Variants in MSRB2 observed in about 807,000 individuals in gnomAD.
The protein encoded by MSRB2 is methionine sulfoxide reductase B2, also known as methionine-R-sulfoxide reductase B2, mitochondrial.
A neutral mutation model predicts 19.0 loss-of-function variants in MSRB2; 17 were observed. The observed-to-expected ratio is 0.89, with a 90% CI of 0.61 to 1.34. The LOEUF is 1.34. Ranked by LOEUF, MSRB2 falls within the 40% of genes most tolerant of loss-of-function variation. The probability of loss-of-function intolerance (pLI) is 0.00; values close to 1 mark genes in which losing one functional copy is unlikely to be tolerated. For synonymous variants in MSRB2, 107 were observed against 99.7 expected (o/e 1.07, Z -0.44); for missense variants, 208 against 237.6 (o/e 0.88, Z 0.82).
intron 2 of MSRB2, among the ~76,000 whole-genome samples, chr10:23,109,402 G>T (rs568057010): frequency 2.6e-5 from 4 of 152,204 alleles, no homozygotes; most frequent in Admixed American, 2.6e-4. Context: ...AATTAGCCAG[G>T]CGTGGTGGCG....
At chr10:23,098,170 T>A (rs961035912) in intron 1 of MSRB2, among the ~76,000 whole-genome samples, 12 of 152,222 alleles carry the variant, frequency 7.9e-5, no homozygotes, top group African/African-American at 2.9e-4. Flanking sequence ...CAGAATGGGC[T>A]GGGGATTCTT....
chr10:23,117,549 A>C (rs1435134776), intron 3 of MSRB2, among the ~76,000 whole-genome samples: 5 of 152,320 alleles, frequency 3.3e-5, no homozygotes, highest in Non-Finnish European at 5.9e-5. Flanking sequence ...ACATATAATA[A>C]ATTTATTTCA....
intron 3 of MSRB2, among the ~76,000 whole-genome samples, chr10:23,115,950 A>G (rs1352356610): frequency 6.6e-6 from 1 of 152,162 alleles, no homozygotes; most frequent in African/African-American, 2.4e-5. Context: ...ACTGGGATTA[A>G]AAGATACTTA....
At chr10:23,098,231 A>G (rs1291853278) in intron 1 of MSRB2, among the ~76,000 whole-genome samples, 2 of 152,168 alleles carry the variant, frequency 1.3e-5, no homozygotes, top group Non-Finnish European at 2.9e-5. Context: ...TTATTTATCA[A>G]AATGGAGTGG....
In MSRB2 at chr10:23,119,125, G is replaced by A. The variant is rs752314635; in HGVS notation, c.297-179G>A. 1.6e-4 allele frequency: 117 copies of A among 745,944 alleles called. No individual in the cohort carries two copies. The Middle Eastern group carries it at 1.6e-3, about 10-fold the overall frequency. The allele number at this position is 745,944 out of a possible 1,614,324, so 46.2% of individuals were successfully genotyped here. On this transcript the variant is annotated intron_variant, in intron 3 of 4. Coordinates refer to ENST00000376510, the MANE Select transcript of MSRB2 (RefSeq NM_012228.4). ...TTCCACTTCGAGAGGCAATGGCTTC[G>A]ATAGTGAAGGTGCAGTGAGGACGAT...
chr10:23,120,812 A>T lies in MSRB2; in HGVS notation c.499A>T (p.Arg167Trp). ...TGATGGACCTGGGCCCAATGGTCAG[A>T]GGTTTTGCATCAACAGTGTGGCTTT... ...FPDGPGPNGQ[R>W]FCINSVALKF... The change falls in exon 5 of 5, where the codon AGG (arginine) becomes TGG (tryptophan). Residue 167 changes from arginine to tryptophan, a missense_variant. Physicochemically the swap from Arg to Trp is moderately radical, Grantham distance 101 (BLOSUM62 -3). Transcript: ENST00000376510. 6.2e-7 allele frequency: 1 copy of T among 1,614,192 alleles called. No individual in the cohort carries two copies. The highest frequency in any genetic ancestry group is 8.5e-7 in the Non-Finnish European group (1 of 1,180,034).
intron 3 of MSRB2, among the ~76,000 whole-genome samples, chr10:23,117,280 C>CA (rs1428577991): frequency 2.0e-5 from 3 of 152,196 alleles, no homozygotes; most frequent in African/African-American, 7.2e-5. Flanking sequence ...CTGAGGACCC[C>CA]AGAGATTCCT....
chr10:23,108,762 C>T (rs993141453), intron 2 of MSRB2, among the ~76,000 whole-genome samples: 1 of 152,118 alleles, frequency 6.6e-6, no homozygotes, highest in Non-Finnish European at 1.5e-5. Flanking sequence ...AGGCATGAGC[C>T]ACCACACCTG....
chr10:23,107,756 A>G lies in MSRB2; in HGVS notation c.220-2486A>G, dbSNP rs192716877. On this transcript the variant is annotated intron_variant, in intron 2 of 4. Coordinates refer to ENST00000376510, the MANE Select transcript of MSRB2 (RefSeq NM_012228.4). ...AACTGTTTTGCTGCCCACCTCTGCA[A>G]CACTAGCACCCAGCTCAGCCTGGGT... 7.2e-5 allele frequency among the ~76,000 whole-genome samples: 11 copies of G among 152,292 alleles called. No homozygotes were observed. The East Asian group carries it at 1.9e-3, about 27-fold the overall frequency.
At position 23,105,497 on chromosome 10, in the gene MSRB2, T is replaced by C. The variant is rs962595130; in HGVS notation, c.219+1253T>C. 6.6e-4 allele frequency among the ~76,000 whole-genome samples: 101 copies of C among 152,160 alleles called. 1 individual carries two copies. Among genetic ancestry groups the C allele is most frequent in the African/African-American group, 2.4e-3 (100 of 41,440 alleles). ...GAAACCCCCTTTCCAGGCTCTGTTA[T>C]CCATTTTTCCACTCTCTACCTCCAT... On this transcript the variant is annotated intron_variant, in intron 2 of 4. Transcript: ENST00000376510.
chr10:23,117,289 C>CT (rs1230391903), intron 3 of MSRB2, among the ~76,000 whole-genome samples: 1 of 152,122 alleles, frequency 6.6e-6, no homozygotes, highest in Non-Finnish European at 1.5e-5. Flanking sequence ...CCAGAGATTC[C>CT]TGGGGGGGAC....
intron 1 of MSRB2, among the ~76,000 whole-genome samples, chr10:23,101,207 T>A (rs1455647761): frequency 6.6e-6 from 1 of 152,234 alleles, no homozygotes; most frequent in Non-Finnish European, 1.5e-5. Context: ...ATCATTCTTA[T>A]GCCTTTGCAT....
chr10:23,120,050 C>T (rs1051354195), intron 4 of MSRB2, among the ~76,000 whole-genome samples: 2 of 152,178 alleles, frequency 1.3e-5, no homozygotes, highest in Non-Finnish European at 2.9e-5. Flanking sequence ...GTAGGATCTT[C>T]ACCTTCTTTT....
chr10:23,096,352 C>A (rs200371560), intron 1 of MSRB2, among the ~76,000 whole-genome samples: 1 of 142,750 alleles, frequency 7.0e-6, no homozygotes. Context: ...CTCTCTCTCT[C>A]TGTGTGTGTG....
intron 2 of MSRB2, among the ~76,000 whole-genome samples, chr10:23,105,570 C>T (rs931055586): frequency 5.3e-5 from 8 of 152,148 alleles, no homozygotes; most frequent in Non-Finnish European, 1.0e-4. Flanking sequence ...CATAGTGCCG[C>T]GTTGCTTAAC....
rs1840072543 is a variant in MSRB2 at position 23,112,952 on chromosome 10, G to C, written c.296+2634G>C. ...TACATGAATGCGCTTTTGATCCTGA[G>C]GAATTCTGGAGGATATATTCTAATT... On this transcript the variant is annotated intron_variant, in intron 3 of 4. Coordinates refer to ENST00000376510, the MANE Select transcript of MSRB2 (RefSeq NM_012228.4). Among the ~76,000 whole-genome samples, 4 of 152,168 alleles carry C rather than the reference G, an allele frequency of 2.6e-5. 1 individual carries two copies. In the South Asian group the frequency reaches 8.3e-4, roughly 32 times the overall value.
intron 1 of MSRB2, among the ~76,000 whole-genome samples, chr10:23,103,088 G>C (rs367608230): frequency 1.3e-5 from 2 of 152,130 alleles, no homozygotes; most frequent in African/African-American, 4.8e-5. Context: ...ATATTAAATA[G>C]CCTAAAAACC....
chr10:23,096,319 G>T (rs1051834596), intron 1 of MSRB2, among the ~76,000 whole-genome samples: 1 of 125,024 alleles, frequency 8.0e-6, no homozygotes, highest in Admixed American at 7.6e-5. Flanking sequence ...CAGAGACCAG[G>T]GCGAGCCTGT....
chr10:23,102,727 T>C (rs1839938728), intron 1 of MSRB2, among the ~76,000 whole-genome samples: 1 of 152,196 alleles, frequency 6.6e-6, no homozygotes, highest in Non-Finnish European at 1.5e-5. Flanking sequence ...CCCAGTAGTC[T>C]TTCACCCAGG....
Sources: gnomAD v4.1 joint callset for allele counts (sites outside exome capture counted in the v4.1 genomes callset) on GRCh38, gnomAD v4.1.1 for gene constraint, MANE v1.5 for transcripts, NCBI Gene and HGNC (gene_info 2026-07-23, HGNC 2026-07-21) for gene names.